Variants in KSR2 observed in about 807,000 individuals in gnomAD.
KSR2 encodes the protein kinase suppressor of ras 2.
Under a neutral mutation model 107.8 loss-of-function variants are expected in KSR2, and 25 were observed. The observed-to-expected ratio is 0.23, with a 90% CI of 0.17 to 0.32. The LOEUF is 0.32. Ranked by LOEUF, KSR2 falls within the 10% of genes least tolerant of loss-of-function variation. The probability of loss-of-function intolerance (pLI) is 1.00; values close to 1 mark genes in which losing one functional copy is unlikely to be tolerated. For synonymous variants in KSR2, 480 were observed against 507.0 expected (o/e 0.95, Z 0.71); for missense variants, 887 against 1,268.9 (o/e 0.70, Z 4.57).
intron 9 of KSR2, among the ~76,000 whole-genome samples, chr12:117,550,190 G>T (rs1877191691): frequency 6.6e-6 from 1 of 152,190 alleles, no homozygotes; most frequent in South Asian, 2.1e-4. Context: ...GAGAGGAATG[G>T]CCTCCTGGAG....
chr12:117,473,336 T>C (rs888393723), intron 17 of KSR2, among the ~76,000 whole-genome samples: 6 of 152,204 alleles, frequency 3.9e-5, no homozygotes, highest in African/African-American at 1.4e-4. Flanking sequence ...GAGGCATTAT[T>C]ATTAATATTA....
intron 13 of KSR2, 147 bp from the exon 14 acceptor site, chr12:117,525,366 TC>T: frequency 2.2e-6 from 2 of 906,700 alleles, no homozygotes; most frequent in African/African-American, 1.7e-5. Flanking sequence ...TCCCTCTGTT[TC>T]CCCAGCTCTA....
chr12:117,930,697 C>G (rs147480730), intron 1 of KSR2, among the ~76,000 whole-genome samples: 1 of 152,144 alleles, frequency 6.6e-6, no homozygotes, highest in South Asian at 2.1e-4. Flanking sequence ...AGGTGGGTCA[C>G]CTGAGGTCAG....
At chr12:117,714,420 A>T (rs896806914) in intron 4 of KSR2, among the ~76,000 whole-genome samples, 6 of 152,210 alleles carry the variant, frequency 3.9e-5, no homozygotes, top group African/African-American at 1.4e-4. Flanking sequence ...AAAGATTCTC[A>T]GAGCCTGGGA....
chr12:117,694,355 C>T (rs1885960854), intron 4 of KSR2, among the ~76,000 whole-genome samples: 1 of 152,176 alleles, frequency 6.6e-6, no homozygotes, highest in Non-Finnish European at 1.5e-5. Flanking sequence ...TTCCCCTGCA[C>T]AAGCTCTCTC....
intron 3 of KSR2, among the ~76,000 whole-genome samples, chr12:117,849,210 C>T (rs549770685): frequency 3.3e-4 from 50 of 152,268 alleles, no homozygotes; most frequent in African/African-American, 1.0e-3. Context: ...CCCCGCTTAG[C>T]CTGCTGCACG....
At position 117,578,768 on chromosome 12, in the gene KSR2, C is replaced by T. The variant is rs114963427; in HGVS notation, c.1325+351G>A. ...GTCAAGACTGTTTCTGTATTGTTTACGGCTGCTTATGGTCTGCAAAGCCTA... is the reference window on the plus strand; with the variant it reads ...GTCAAGACTGTTTCTGTATTGTTTATGGCTGCTTATGGTCTGCAAAGCCTA... On this transcript the variant is annotated intron_variant, in intron 7 of 19. Transcript: ENST00000339824. Among the ~76,000 whole-genome samples the T allele has an allele frequency of 9.9e-3, 1,507 of 152,258 alleles. 32 individuals are homozygous for T. The highest frequency in any genetic ancestry group is 0.033 in the African/African-American group (1,367 of 41,552).
intron 5 of KSR2, among the ~76,000 whole-genome samples, chr12:117,656,986 ATATAT>A (rs1565947165): frequency 6.9e-4 from 20 of 28,894 alleles, no homozygotes; most frequent in African/African-American, 1.6e-3. Context: ...AATAGGATAT[ATATAT>A]ATATATATAT....
intron 3 of KSR2, among the ~76,000 whole-genome samples, chr12:117,841,747 G>A (rs56111943): frequency 6.6e-6 from 1 of 151,932 alleles, no homozygotes; most frequent in South Asian, 2.1e-4. Flanking sequence ...TTCAAACCCC[G>A]CCTCTGACAC....
At chr12:117,585,132 A>G (rs1034048447) in intron 5 of KSR2, among the ~76,000 whole-genome samples, 2 of 152,092 alleles carry the variant, frequency 1.3e-5, no homozygotes, top group Non-Finnish European at 2.9e-5. Context: ...AACATCTTAT[A>G]ATGCACAGGG....
intron 1 of KSR2, among the ~76,000 whole-genome samples, chr12:117,927,375 C>CA (rs2137482888): frequency 7.9e-6 from 1 of 126,610 alleles, no homozygotes; most frequent in South Asian, 2.7e-4. Flanking sequence ...GACTCTGTCT[C>CA]AAAAAATAAC....
At position 117,462,563 on chromosome 12, in the gene KSR2, C is replaced by T. The variant is rs1870956680; in HGVS notation, c.*4636G>A. On this transcript the variant is annotated 3_prime_UTR_variant, in exon 20 of 20. Coordinates refer to ENST00000339824, the MANE Select transcript of KSR2 (RefSeq NM_173598.6). ...TACAGATTTCAGGGGGAACATGGCC[C>T]TGCTAACACTTTGATTTTGGACTTC... 1 of 152,180 alleles carries T rather than the reference C, an allele frequency of 6.6e-6. No homozygotes were observed. The highest frequency in any genetic ancestry group is 1.5e-5 in the Non-Finnish European group (1 of 68,048). 9.4% of individuals were successfully genotyped at this position (152,180 alleles called of 1,614,324 possible). A position where few individuals can be genotyped will look rare whatever the true frequency, so the allele number is the denominator to read the frequency against.
chr12:117,718,501 A>T (rs1887083304), intron 4 of KSR2, among the ~76,000 whole-genome samples: 1 of 152,194 alleles, frequency 6.6e-6, no homozygotes, highest in East Asian at 1.9e-4. Flanking sequence ...CCACCCAGGA[A>T]ACCTCCACCT....
chr12:117,707,775 A>T (rs979589233), intron 4 of KSR2, among the ~76,000 whole-genome samples: 1 of 152,194 alleles, frequency 6.6e-6, no homozygotes. Flanking sequence ...ATCTATTTCA[A>T]CTGGTATTCT....
intron 6 of KSR2, among the ~76,000 whole-genome samples, chr12:117,580,276 A>G (rs1309765729): frequency 1.3e-5 from 2 of 150,684 alleles, no homozygotes; most frequent in African/African-American, 4.9e-5. Flanking sequence ...TGCCAAGAAA[A>G]CTCTCCCTCT....
intron 1 of KSR2, among the ~76,000 whole-genome samples, chr12:117,966,858 C>T (rs1218860796): frequency 1.3e-5 from 2 of 152,102 alleles, no homozygotes; most frequent in African/African-American, 2.4e-5. Flanking sequence ...TACGGACTGA[C>T]GAGTTCAGGC....
In KSR2 at chr12:117,794,689, GCA is replaced by G. The variant is rs199826961; in HGVS notation, c.473-33167_473-33166del. Among the ~76,000 whole-genome samples, 1,144 of 143,740 alleles carry G rather than the reference GCA, an allele frequency of 8.0e-3. 14 individuals carry two copies. The highest frequency in any genetic ancestry group is 0.025 in the Middle Eastern group (6 of 242). 94.3% of individuals were successfully genotyped at this position (143,740 alleles called of 152,430 possible). A position where few individuals can be genotyped will look rare whatever the true frequency, so the allele number is the denominator to read the frequency against. On this transcript the variant is annotated intron_variant, in intron 3 of 19. Coordinates refer to ENST00000339824, the MANE Select transcript of KSR2 (RefSeq NM_173598.6). The stretch of plus-strand genomic sequence containing the variant: ...AATATGCACACACTCATACCAACAG[GCA>G]CACACACACCAACATGCACACATAC...
chr12:117,573,316 C>A (rs777792051), intron 7 of KSR2, among the ~76,000 whole-genome samples: 29 of 152,056 alleles, frequency 1.9e-4, no homozygotes, highest in Non-Finnish European at 3.2e-4. Flanking sequence ...GGACTGGGTA[C>A]AAGGATGAAC....
intron 5 of KSR2, among the ~76,000 whole-genome samples, chr12:117,606,731 CCTT>C (rs1440523615): frequency 6.8e-6 from 1 of 146,886 alleles, no homozygotes; most frequent in Non-Finnish European, 1.5e-5. Context: ...TTCCCTTCTT[CCTT>C]CTTTCCTTAC....
Sources: gnomAD v4.1 joint callset for allele counts (sites outside exome capture counted in the v4.1 genomes callset) on GRCh38, gnomAD v4.1.1 for gene constraint, MANE v1.5 for transcripts, NCBI Gene and HGNC (gene_info 2026-07-23, HGNC 2026-07-21) for gene names.